KCND2: variants seen among roughly 807,000 people sequenced by gnomAD.
The protein encoded by KCND2 is potassium voltage-gated channel subfamily D member 2.
KCND2 carries 16 observed loss-of-function variants against 54.4 expected under a neutral mutation model. That is an observed-to-expected ratio of 0.29 (90% CI 0.20 to 0.45). The LOEUF is 0.45. Among genes scored for constraint, KCND2 ranks in the 20% least tolerant of loss-of-function variants. The probability of loss-of-function intolerance (pLI) is 1.00; values close to 1 mark genes in which losing one functional copy is unlikely to be tolerated. For synonymous variants in KCND2, 317 were observed against 310.7 expected (o/e 1.02, Z -0.21); for missense variants, 486 against 824.2 (o/e 0.59, Z 5.02).
intron 1 of KCND2, among the ~76,000 whole-genome samples, chr7:120,511,026 A>T (rs802361): frequency 0.077 from 9,336 of 120,870 alleles, 620 homozygotes; most frequent in East Asian, 0.4. Flanking sequence ...TCTCTCTCTC[A>T]CACACACACA....
Position 120,651,279 on chromosome 7 carries a change from C to T in KCND2, c.1116-81624C>T, listed in dbSNP as rs1237148122. The stretch of plus-strand genomic sequence containing the variant: ...TGGGCTCCATCCAGTTCAAGCTTCC[C>T]GGCCACTTTGTTTACCTACTCAAGC... On this transcript the variant is annotated intron_variant, in intron 1 of 5. Coordinates refer to ENST00000331113, the MANE Select transcript of KCND2 (RefSeq NM_012281.3). Among the ~76,000 whole-genome samples, 9 of 109,166 alleles carry T rather than the reference C, an allele frequency of 8.2e-5. 1 individual carries two copies. Among genetic ancestry groups the T allele is most frequent in the South Asian group, 2.6e-4 (1 of 3,908 alleles). 71.6% of individuals were successfully genotyped at this position (109,166 alleles called of 152,430 possible).
intron 1 of KCND2, among the ~76,000 whole-genome samples, chr7:120,420,546 G>C (rs1414865225): frequency 1.3e-5 from 2 of 152,200 alleles, no homozygotes; most frequent in African/African-American, 4.8e-5. Flanking sequence ...CCTCAGTACA[G>C]CAGAGAGGTA....
At chr7:120,563,509 C>T (rs570586114) in intron 1 of KCND2, among the ~76,000 whole-genome samples, 7 of 152,224 alleles carry the variant, frequency 4.6e-5, no homozygotes, top group East Asian at 1.9e-4. Flanking sequence ...AATTCTGCTC[C>T]GTCTCAATCT....
At chr7:120,279,834 A>T (rs1404713461) in intron 1 of KCND2, among the ~76,000 whole-genome samples, 1 of 151,926 alleles carries the variant, frequency 6.6e-6, no homozygotes, top group African/African-American at 2.4e-5. Context: ...CGATAACATT[A>T]TGTTATAATT....
At chr7:120,503,779 G>C (rs1301851175) in intron 1 of KCND2, among the ~76,000 whole-genome samples, 2 of 151,902 alleles carry the variant, frequency 1.3e-5, no homozygotes, top group African/African-American at 4.8e-5. Context: ...TATGAAGCCT[G>C]TGGCTTATTC....
At chr7:120,464,684 C>T (rs1030045022) in intron 1 of KCND2, among the ~76,000 whole-genome samples, 1 of 152,128 alleles carries the variant, frequency 6.6e-6, no homozygotes, top group Non-Finnish European at 1.5e-5. Flanking sequence ...CACTTATATG[C>T]TCATTCAAGC....
chr7:120,541,079 C>A (rs1791974495), intron 1 of KCND2, among the ~76,000 whole-genome samples: 1 of 152,140 alleles, frequency 6.6e-6, no homozygotes, highest in African/African-American at 2.4e-5. Context: ...AGATTTCCCT[C>A]CAGCACTTTT....
intron 1 of KCND2, among the ~76,000 whole-genome samples, chr7:120,726,173 C>T (rs1474491773): frequency 2.0e-5 from 3 of 152,110 alleles, no homozygotes; most frequent in Non-Finnish European, 1.5e-5. Flanking sequence ...AGTAATTGAT[C>T]CTCCAGGCAA....
intron 1 of KCND2, among the ~76,000 whole-genome samples, chr7:120,431,853 AT>A (rs1364857068): frequency 2.6e-5 from 4 of 151,898 alleles, no homozygotes; most frequent in Admixed American, 6.6e-5. Flanking sequence ...ACACACTCAC[AT>A]TTGCACGCAC....
intron 1 of KCND2, among the ~76,000 whole-genome samples, chr7:120,598,459 C>G (rs1330151717): frequency 6.6e-6 from 1 of 151,152 alleles, no homozygotes; most frequent in Non-Finnish European, 1.5e-5. Flanking sequence ...TAATAAACTG[C>G]CAAACTATTT....
At chr7:120,325,098 G>A (rs1340696898) in intron 1 of KCND2, among the ~76,000 whole-genome samples, 7 of 146,678 alleles carry the variant, frequency 4.8e-5, no homozygotes, top group Admixed American at 2.8e-4. Context: ...TTGGCTCTCC[G>A]TTTGTCTGTT....
chr7:120,522,728 T>C (rs547885176), intron 1 of KCND2, among the ~76,000 whole-genome samples: 3 of 152,282 alleles, frequency 2.0e-5, no homozygotes, highest in African/African-American at 7.2e-5. Context: ...AAATCTCCAA[T>C]TTGATAGAGC....
chr7:120,305,013 G>T (rs1242779168), intron 1 of KCND2, among the ~76,000 whole-genome samples: 1 of 152,106 alleles, frequency 6.6e-6, no homozygotes, highest in Non-Finnish European at 1.5e-5. Flanking sequence ...GAATTTCAAA[G>T]CTTACTGATT....
chr7:120,419,581 A>G (rs761973776), intron 1 of KCND2, among the ~76,000 whole-genome samples: 2 of 152,188 alleles, frequency 1.3e-5, no homozygotes, highest in Non-Finnish European at 2.9e-5. Flanking sequence ...ATTTTGATTC[A>G]CAATGTGGGG....
intron 1 of KCND2, among the ~76,000 whole-genome samples, chr7:120,482,937 G>T (rs1384189367): frequency 6.6e-6 from 1 of 151,970 alleles, no homozygotes; most frequent in East Asian, 1.9e-4. Context: ...CCCTACTATT[G>T]ACCCTGACTA....
At chr7:120,472,446 T>G (rs1802471918) in intron 1 of KCND2, among the ~76,000 whole-genome samples, 1 of 152,126 alleles carries the variant, frequency 6.6e-6, no homozygotes, top group African/African-American at 2.4e-5. Context: ...AATAACATTG[T>G]TCTAGTAGTG....
chr7:120,737,071 CACACA>C (rs1792881251), intron 2 of KCND2, among the ~76,000 whole-genome samples: 1 of 138,346 alleles, frequency 7.2e-6, no homozygotes, highest in East Asian at 2.2e-4. Context: ...CACACACACA[CACACA>C]AACAAAAAAA....
chr7:120,718,589 G>A (rs962832341), intron 1 of KCND2, among the ~76,000 whole-genome samples: 2 of 152,096 alleles, frequency 1.3e-5, no homozygotes, highest in African/African-American at 4.8e-5. Flanking sequence ...GTGCCGTTCT[G>A]CAAAGCCTAA....
intron 1 of KCND2, among the ~76,000 whole-genome samples, chr7:120,534,223 A>AG (rs1316052868): frequency 6.6e-6 from 1 of 152,072 alleles, no homozygotes; most frequent in Non-Finnish European, 1.5e-5. Flanking sequence ...AGCTTGAAAA[A>AG]CATTATCTTA....
Sources: gnomAD v4.1 joint callset for allele counts (sites outside exome capture counted in the v4.1 genomes callset) on GRCh38, gnomAD v4.1.1 for gene constraint, MANE v1.5 for transcripts, NCBI Gene and HGNC (gene_info 2026-07-23, HGNC 2026-07-21) for gene names.